The following MSRA variants were observed in gnomAD, a reference collection of about 807,000 sequenced individuals.
MSRA encodes the protein mitochondrial peptide methionine sulfoxide reductase.
In MSRA, 54 loss-of-function variants were observed where a neutral mutation model predicts 31.3. The observed-to-expected ratio is 1.73, with a 90% confidence interval of 1.39 to 2.17. The LOEUF (loss-of-function observed/expected upper bound fraction) is 2.17, where lower values mean the gene tolerates loss of function less well. MSRA is among the 30% of genes most tolerant of loss of function. MSRA has a pLI of 0.00. For synonymous variants in MSRA, 169 were observed against 116.5 expected, an observed-to-expected ratio of 1.45 and a Z score of -2.90; for missense variants, 507 against 300.9, an observed-to-expected ratio of 1.69 and a Z score of -5.07.
At chr8:10,289,578 C>T (rs1800122015) in intron 3 of MSRA, among the ~76,000 whole-genome samples, 1 of 151,992 alleles carries the variant, frequency 6.6e-6, no homozygotes, top group South Asian at 2.1e-4. Context: ...CTATAGTCAC[C>T]CTGTTGTGCT....
chr8:10,087,427 G>A (rs1207053459), intron 1 of MSRA, among the ~76,000 whole-genome samples: 3 of 152,204 alleles, frequency 2.0e-5, no homozygotes, highest in African/African-American at 4.8e-5. Context: ...GCAAGTAGTG[G>A]TTGTTCAGAG....
intron 5 of MSRA, chr8:10,353,676 T>C: frequency 2.2e-6 from 1 of 456,250 alleles, no homozygotes; most frequent in Non-Finnish European, 4.4e-6. Context: ...GGAGGGAAGA[T>C]GAGTATAGGG....
chr8:10,143,108 C>T (rs949326217), intron 1 of MSRA, among the ~76,000 whole-genome samples: 5 of 152,194 alleles, frequency 3.3e-5, no homozygotes, highest in Middle Eastern at 3.4e-3. Context: ...TAATTTTTAT[C>T]CAAAGAATGG....
At chr8:10,201,535 G>A (rs143145082) in intron 1 of MSRA, among the ~76,000 whole-genome samples, 2 of 152,304 alleles carry the variant, frequency 1.3e-5, no homozygotes, top group East Asian at 3.9e-4. Flanking sequence ...TCCCAGTTGA[G>A]CACAGGACAG....
chr8:10,176,795 G>C (rs1230982516), intron 1 of MSRA, among the ~76,000 whole-genome samples: 1 of 152,122 alleles, frequency 6.6e-6, no homozygotes, highest in Non-Finnish European at 1.5e-5. Flanking sequence ...CCCCACCCAG[G>C]GCTCCTGCCA....
chr8:10,403,926 T>C (rs1207857416), intron 5 of MSRA, among the ~76,000 whole-genome samples: 1 of 152,128 alleles, frequency 6.6e-6, no homozygotes, highest in Non-Finnish European at 1.5e-5. Flanking sequence ...ATTAAAGAAA[T>C]ACAGTAATAA....
chr8:10,312,188 T>G (rs1214172601), intron 4 of MSRA, among the ~76,000 whole-genome samples: 2 of 151,662 alleles, frequency 1.3e-5, no homozygotes. Context: ...AGAAATGAAA[T>G]GGGAAGCAAA....
At chr8:10,105,754 G>C (rs1311523910) in intron 1 of MSRA, among the ~76,000 whole-genome samples, 2 of 152,216 alleles carry the variant, frequency 1.3e-5, no homozygotes, top group East Asian at 1.9e-4. Context: ...CAAGTGGATT[G>C]AGTTGTGGCT....
chr8:10,350,626 A>G (rs1204685515), intron 5 of MSRA, among the ~76,000 whole-genome samples: 1 of 152,214 alleles, frequency 6.6e-6, no homozygotes, highest in Non-Finnish European at 1.5e-5. Context: ...TAGCTCTCAA[A>G]TTTGCAGAGT....
intron 1 of MSRA, among the ~76,000 whole-genome samples, chr8:10,200,415 GC>G (rs1195410574): frequency 6.6e-6 from 1 of 152,190 alleles, no homozygotes; most frequent in African/African-American, 2.4e-5. Flanking sequence ...TTCACCTCCA[GC>G]TTTGAGAGTA....
chr8:10,345,880 T>G (rs1803739673), intron 5 of MSRA, among the ~76,000 whole-genome samples: 2 of 152,186 alleles, frequency 1.3e-5, no homozygotes, highest in African/African-American at 4.8e-5. Context: ...CTTACTCAAG[T>G]CTTTATTTAG....
chr8:10,299,827 G>A (rs1449672949), intron 3 of MSRA, among the ~76,000 whole-genome samples: 2 of 152,118 alleles, frequency 1.3e-5, no homozygotes, highest in Admixed American at 6.5e-5. Context: ...TTGGAGCTAG[G>A]CATCAAGAAA....
chr8:10,083,192 C>T (rs924623369), intron 1 of MSRA, among the ~76,000 whole-genome samples: 7 of 152,056 alleles, frequency 4.6e-5, no homozygotes, highest in African/African-American at 1.7e-4. Context: ...TTTTAAAGGG[C>T]CCAAAAGATT....
intron 1 of MSRA, among the ~76,000 whole-genome samples, chr8:10,163,882 G>C (rs1804887209): frequency 6.6e-6 from 1 of 152,214 alleles, no homozygotes; most frequent in Non-Finnish European, 1.5e-5. Flanking sequence ...AGTCGGCATT[G>C]TCGGCTGTTG....
rs150335979 is a variant in MSRA, at chr8:10,197,150, T to G, written c.143-10683T>G. 9.2e-5 allele frequency among the ~76,000 whole-genome samples: 14 copies of G among 152,328 alleles called. No homozygotes were observed. In the East Asian group the frequency reaches 2.5e-3, roughly 27 times the overall value. On this transcript the variant is annotated intron_variant, in intron 1 of 5. Coordinates refer to ENST00000317173, the MANE Select transcript of MSRA (RefSeq NM_012331.5). ...TCATTGTCATTTATATTCTCAAGAT[T>G]ATCTAATTTTGGTAGTCATTAGGAA...
chr8:10,363,387 C>T (rs1160154826), intron 5 of MSRA, among the ~76,000 whole-genome samples: 1 of 152,148 alleles, frequency 6.6e-6, no homozygotes, highest in African/African-American at 2.4e-5. Flanking sequence ...GCAAGGAACC[C>T]GTCAGACTGG....
intron 1 of MSRA, among the ~76,000 whole-genome samples, chr8:10,143,552 A>T (rs779198436): frequency 3.9e-5 from 6 of 152,164 alleles, no homozygotes; most frequent in African/African-American, 1.4e-4. Flanking sequence ...AATGGCATAG[A>T]TCAAACATTA....
At chr8:10,301,396 T>C (rs953781521) in intron 3 of MSRA, 138 bp from the exon 4 acceptor site, 14 of 635,988 alleles carry the variant, frequency 2.2e-5, no homozygotes, top group Non-Finnish European at 3.6e-5. Flanking sequence ...GACTCTTAGC[T>C]AAAGTCTAAT....
At chr8:10,064,844 C>A (rs1797382149) in intron 1 of MSRA, among the ~76,000 whole-genome samples, 1 of 152,130 alleles carries the variant, frequency 6.6e-6, no homozygotes, top group Non-Finnish European at 1.5e-5. Context: ...GATATTTTAA[C>A]AGATTGTACC....
Sources: gnomAD v4.1 joint callset for allele counts (sites outside exome capture counted in the v4.1 genomes callset) on GRCh38, gnomAD v4.1.1 for gene constraint, MANE v1.5 for transcripts, NCBI Gene and HGNC (gene_info 2026-07-23, HGNC 2026-07-21) for gene names.